KIAA1217: variants seen among roughly 807,000 people sequenced by gnomAD.
KIAA1217 encodes KIAA1217, also known as sickle tail protein homolog.
Under a neutral mutation model 163.9 loss-of-function variants are expected in KIAA1217, and 88 were observed. The ratio of observed to expected loss-of-function variants is 0.54; its 90% CI spans 0.45 to 0.64. The LOEUF is 0.64. Ranked by LOEUF, KIAA1217 falls within the 30% of genes least tolerant of loss-of-function variation. The probability of loss-of-function intolerance (pLI) is 0.00; values close to 1 mark genes in which losing one functional copy is unlikely to be tolerated. For synonymous variants in KIAA1217, 903 were observed against 923.1 expected (o/e 0.98, Z 0.39); for missense variants, 2,372 against 2,475.0 (o/e 0.96, Z 0.88).
intron 2 of KIAA1217, among the ~76,000 whole-genome samples, chr10:24,170,379 A>G (rs1364459303): frequency 6.6e-6 from 1 of 152,180 alleles, no homozygotes; most frequent in Non-Finnish European, 1.5e-5. Context: ...TGGTTTTTCA[A>G]AGAAAACAGA....
At chr10:24,254,738 A>G (rs890756894) in intron 2 of KIAA1217, among the ~76,000 whole-genome samples, 3 of 152,146 alleles carry the variant, frequency 2.0e-5, no homozygotes, top group African/African-American at 7.2e-5. Context: ...CACAATAAAT[A>G]TATTTTGATA....
chr10:24,159,144 A>G (rs1221060645), intron 2 of KIAA1217, among the ~76,000 whole-genome samples: 1 of 152,172 alleles, frequency 6.6e-6, no homozygotes, highest in African/African-American at 2.4e-5. Context: ...AAAGGGGACT[A>G]TAGTTATTTC....
intron 1 of KIAA1217, among the ~76,000 whole-genome samples, chr10:23,778,593 G>T (rs915349859): frequency 6.6e-6 from 1 of 152,162 alleles, no homozygotes; most frequent in Non-Finnish European, 1.5e-5. Context: ...TTGGTTAGGG[G>T]TACATATTTG....
At position 24,514,160 on chromosome 10, in the gene KIAA1217, G is replaced by T. The variant is rs138405765; in HGVS notation, c.2177+726G>T. 3.9e-3 allele frequency among the ~76,000 whole-genome samples: 587 copies of T among 152,250 alleles called. 4 individuals carry two copies. The highest frequency in any genetic ancestry group is 0.013 in the African/African-American group (560 of 41,542). ...GGCAGGCACATCTTTTATGGTAATTGTATGTTTTGGTATGCAATGAAGATT... is the reference window on the plus strand; with the variant it reads ...GGCAGGCACATCTTTTATGGTAATTTTATGTTTTGGTATGCAATGAAGATT... On this transcript the variant is annotated intron_variant, in intron 10 of 20. Coordinates refer to ENST00000376454, the MANE Select transcript of KIAA1217 (RefSeq NM_019590.5).
At chr10:24,502,083 G>T (rs1197512753) in intron 9 of KIAA1217, among the ~76,000 whole-genome samples, 30 of 151,916 alleles carry the variant, frequency 2.0e-4, no homozygotes, top group Non-Finnish European at 1.5e-5. Flanking sequence ...GTACTTTTAC[G>T]CAGGAAGAGA....
intron 2 of KIAA1217, among the ~76,000 whole-genome samples, chr10:24,123,021 G>A (rs547725265): frequency 6.6e-6 from 1 of 151,922 alleles, no homozygotes; most frequent in South Asian, 2.1e-4. Flanking sequence ...TATAAATACA[G>A]TGAAAGTACA....
intron 1 of KIAA1217, among the ~76,000 whole-genome samples, chr10:23,901,716 G>A (rs1004067630): frequency 5.9e-5 from 9 of 151,930 alleles, no homozygotes; most frequent in African/African-American, 1.9e-4. Context: ...TGAGACCAGT[G>A]GGCCAAAATG....
rs796806090 is a variant in KIAA1217 at position 24,544,589 on chromosome 10, C to CTT, written c.5211+119_5211+120dup. On this transcript the variant is annotated intron_variant, in intron 19 of 20. Transcript: ENST00000376454. ...AACTTAATTGCTTTCTTTCAGGTGG[C>CTT]TTTTTTTTTTTTGTCTGTTCGCCAT... The CTT allele has an allele frequency of 1.7e-3, 1,820 of 1,102,034 alleles. 16 individuals are homozygous for CTT. In the African/African-American group the frequency reaches 0.024, roughly 15 times the overall value. The allele number at this position is 1,102,034 out of a possible 1,614,324, so 68.3% of individuals were successfully genotyped here.
At chr10:23,904,002 G>A (rs1842052715) in intron 1 of KIAA1217, among the ~76,000 whole-genome samples, 1 of 152,104 alleles carries the variant, frequency 6.6e-6, no homozygotes, top group Non-Finnish European at 1.5e-5. Context: ...GAAGTAGAAT[G>A]TTTCTGGATA....
In KIAA1217 at chr10:24,179,341, C is replaced by T. The variant is rs183712420; in HGVS notation, c.-170-40285C>T. Among the ~76,000 whole-genome samples, 21 of 152,084 alleles carry T rather than the reference C, an allele frequency of 1.4e-4. No individual in the cohort carries two copies. In the East Asian group the frequency reaches 3.9e-3, roughly 28 times the overall value. ...GGGGGTGGTTTCTAATGATTTAGCACCATCCCCCCAGTCCTGTCTCATGAT... is the reference window on the plus strand; with the variant it reads ...GGGGGTGGTTTCTAATGATTTAGCATCATCCCCCCAGTCCTGTCTCATGAT... On this transcript the variant is annotated intron_variant, in intron 2 of 18. Transcript: ENST00000376462.
intron 2 of KIAA1217, chr10:24,007,443 C>T (rs1375711287): frequency 1.3e-5 from 2 of 152,162 alleles, no homozygotes; most frequent in Non-Finnish European, 1.5e-5. Flanking sequence ...GAATTATGAG[C>T]TGTAGGCCTA....
At chr10:24,246,660 A>T (rs2073838151) in intron 2 of KIAA1217, among the ~76,000 whole-genome samples, 1 of 152,160 alleles carries the variant, frequency 6.6e-6, no homozygotes, top group South Asian at 2.1e-4. Context: ...ATTTTCTAAC[A>T]ATTACTAGTG....
At chr10:24,008,196 AGATAGATAGATT>A (rs888288493) in intron 2 of KIAA1217, among the ~76,000 whole-genome samples, 3 of 147,402 alleles carry the variant, frequency 2.0e-5, no homozygotes, top group African/African-American at 7.9e-5. Context: ...ATAGATAGAT[AGATAGATAGATT>A]ATTTATCTTG....
intron 17 of KIAA1217, among the ~76,000 whole-genome samples, chr10:24,540,672 G>A (rs558871840): frequency 6.9e-4 from 105 of 152,304 alleles, no homozygotes; most frequent in Non-Finnish European, 1.3e-3. Context: ...GATTCAGGGG[G>A]CAAATTCTCA....
At chr10:24,013,182 A>T (rs1847316579) in intron 2 of KIAA1217, among the ~76,000 whole-genome samples, 1 of 152,104 alleles carries the variant, frequency 6.6e-6, no homozygotes, top group African/African-American at 2.4e-5. Flanking sequence ...GCCCCTAAGC[A>T]ATGTACTGAA....
chr10:24,379,960 G>A (rs2053068323), intron 2 of KIAA1217, among the ~76,000 whole-genome samples: 1 of 152,186 alleles, frequency 6.6e-6, no homozygotes, highest in African/African-American at 2.4e-5. Context: ...GTTGAGGCAG[G>A]AGAATTGCTT....
intron 2 of KIAA1217, among the ~76,000 whole-genome samples, chr10:24,154,115 G>C: frequency 6.6e-6 from 1 of 151,302 alleles, no homozygotes; most frequent in African/African-American, 2.4e-5. Flanking sequence ...CCGCCACTAC[G>C]CCCGGCTAAT....
chr10:24,341,254 A>G (rs925017503), intron 2 of KIAA1217, among the ~76,000 whole-genome samples: 1 of 152,196 alleles, frequency 6.6e-6, no homozygotes, highest in Non-Finnish European at 1.5e-5. Context: ...ACAGTGGTAT[A>G]TGATAGGATT....
intron 1 of KIAA1217, among the ~76,000 whole-genome samples, chr10:23,714,061 G>A (rs79124715): frequency 0.018 from 2,705 of 152,136 alleles, 81 homozygotes; most frequent in African/African-American, 0.062. Context: ...TCCTGGCAAA[G>A]GGATTGATGC....
Sources: allele counts gnomAD v4.1 joint callset (sites outside exome capture counted in the v4.1 genomes callset), GRCh38; gene constraint gnomAD v4.1.1; transcripts MANE v1.5; gene names NCBI Gene and HGNC (gene_info 2026-07-23, HGNC 2026-07-21).